The following PLD5 variants were observed in gnomAD, a reference collection of about 807,000 sequenced individuals.
PLD5 encodes the protein inactive phospholipase D5.
A neutral mutation model predicts 61.1 loss-of-function variants in PLD5; 36 were observed. That is an observed-to-expected ratio of 0.59 (90% CI 0.45 to 0.78). The LOEUF (loss-of-function observed/expected upper bound fraction) is 0.78, where lower values mean the gene tolerates loss of function less well. Ranked by LOEUF, PLD5 falls within the 30% of genes least tolerant of loss-of-function variation. The pLI is 0.00. For synonymous variants in PLD5, 243 were observed against 242.8 expected (o/e 1.00, Z -0.01); for missense variants, 515 against 644.4 (o/e 0.80, Z 2.17).
intron 4 of PLD5, among the ~76,000 whole-genome samples, chr1:242,255,930 G>A (rs316916): frequency 4.6e-5 from 7 of 152,142 alleles, no homozygotes; most frequent in African/African-American, 9.7e-5. Flanking sequence ...ATTTAGTCAC[G>A]AGTAAAGGCC....
At chr1:242,297,489 T>C (rs1172306531) in intron 2 of PLD5, among the ~76,000 whole-genome samples, 1 of 151,488 alleles carries the variant, frequency 6.6e-6, no homozygotes, top group African/African-American at 2.4e-5. Flanking sequence ...ACTGCAGCCT[T>C]GAACTCCTGG....
chr1:242,495,562 G>A lies in PLD5; in HGVS notation c.189+28526C>T, dbSNP rs143645828. ...TGAGATGTTATTTCTATTTTAGAAC[G>A]TCTTTACCATAATTTTCTTACAGAC... On this transcript the variant is annotated intron_variant, in intron 1 of 9. Coordinates refer to ENST00000536534, the MANE Select transcript of PLD5 (RefSeq NM_001372062.1). Among the ~76,000 whole-genome samples the A allele has an allele frequency of 2.4e-3, 366 of 152,104 alleles. 1 individual carries two copies. The highest frequency in any genetic ancestry group is 7.6e-3 in the African/African-American group (315 of 41,500).
At chr1:242,459,123 TG>T (rs769330581) in intron 1 of PLD5, among the ~76,000 whole-genome samples, 3 of 152,214 alleles carry the variant, frequency 2.0e-5, no homozygotes, top group Non-Finnish European at 4.4e-5. Context: ...GTTACATGGA[TG>T]GGAGATAGAA....
intron 1 of PLD5, among the ~76,000 whole-genome samples, chr1:242,502,113 C>T (rs1668573464): frequency 6.6e-6 from 1 of 152,152 alleles, no homozygotes; most frequent in Non-Finnish European, 1.5e-5. Flanking sequence ...ATGTCTGCAA[C>T]CCAACCCAGC....
intron 2 of PLD5, among the ~76,000 whole-genome samples, chr1:242,332,858 C>T (rs1244819268): frequency 3.3e-5 from 5 of 152,206 alleles, no homozygotes; most frequent in Non-Finnish European, 5.9e-5. Flanking sequence ...TAATACTTGA[C>T]GTTCACTCGT....
intron 5 of PLD5, among the ~76,000 whole-genome samples, chr1:242,171,518 C>G (rs1666746082): frequency 6.6e-6 from 1 of 152,078 alleles, no homozygotes; most frequent in Non-Finnish European, 1.5e-5. Context: ...ATCACAATGA[C>G]AGGATCAAAT....
intron 3 of PLD5, among the ~76,000 whole-genome samples, chr1:242,273,401 G>A (rs975600846): frequency 8.5e-5 from 13 of 152,060 alleles, no homozygotes; most frequent in Non-Finnish European, 1.8e-4. Context: ...ATAAAAAGAC[G>A]CTATTTTAAT....
intron 5 of PLD5, among the ~76,000 whole-genome samples, chr1:242,161,979 G>T (rs1665872330): frequency 6.6e-6 from 1 of 152,108 alleles, no homozygotes; most frequent in South Asian, 2.1e-4. Context: ...TCAGAGGTGG[G>T]GCAAACACTG....
chr1:242,390,835 G>A (rs536787553), intron 1 of PLD5, among the ~76,000 whole-genome samples: 3 of 152,174 alleles, frequency 2.0e-5, no homozygotes, highest in East Asian at 3.9e-4. Flanking sequence ...AATGACAGAA[G>A]GAACATGATT....
At chr1:242,095,237 T>A (rs1308311182) in intron 9 of PLD5, among the ~76,000 whole-genome samples, 1 of 151,108 alleles carries the variant, frequency 6.6e-6, no homozygotes, top group African/African-American at 2.4e-5. Context: ...GTCCGGCATA[T>A]TTATTTATTT....
At chr1:242,265,507 A>G in intron 3 of PLD5, 59 bp from the exon 4 acceptor site, 2 of 1,396,382 alleles carry the variant, frequency 1.4e-6, no homozygotes, top group Non-Finnish European at 2.0e-6. Context: ...ACCAATTTAG[A>G]CAGGTAAAAA....
At chr1:242,486,149 G>A (rs1205409968) in intron 1 of PLD5, among the ~76,000 whole-genome samples, 2 of 152,034 alleles carry the variant, frequency 1.3e-5, no homozygotes, top group Non-Finnish European at 2.9e-5. Flanking sequence ...CAGGACATAG[G>A]CATGGGCAAG....
intron 6 of PLD5, among the ~76,000 whole-genome samples, chr1:242,123,646 A>G (rs1662556545): frequency 6.6e-6 from 1 of 152,252 alleles, no homozygotes; most frequent in Non-Finnish European, 1.5e-5. Context: ...GAGAACGTGC[A>G]AACTCCACAC....
chr1:242,259,373 T>C (rs1327000020), intron 4 of PLD5, among the ~76,000 whole-genome samples: 2 of 151,980 alleles, frequency 1.3e-5, no homozygotes, highest in Non-Finnish European at 2.9e-5. Flanking sequence ...AGCTTGTAAA[T>C]TGACAAGGGA....
chr1:242,129,786 C>T lies in PLD5; in HGVS notation c.736-5121G>A, dbSNP rs567024044. 2.0e-5 allele frequency among the ~76,000 whole-genome samples: 3 copies of T among 152,176 alleles called. No homozygotes were observed. In the South Asian group the frequency reaches 6.2e-4, roughly 32 times the overall value. ...ACTCATTAATTTCTCATCCTTCATCCCGCTCCTATGCTCTCACCCTTCTGA... is the reference window on the plus strand; with the variant it reads ...ACTCATTAATTTCTCATCCTTCATCTCGCTCCTATGCTCTCACCCTTCTGA... On this transcript the variant is annotated intron_variant, in intron 5 of 9. Transcript: ENST00000536534.
intron 3 of PLD5, among the ~76,000 whole-genome samples, chr1:242,266,950 C>G (rs963465335): frequency 5.3e-5 from 8 of 151,954 alleles, no homozygotes; most frequent in Admixed American, 3.3e-4. Flanking sequence ...AACCCAGTCT[C>G]TACTAAAAAT....
chr1:242,097,271 A>G (rs111327037), intron 9 of PLD5, among the ~76,000 whole-genome samples: 6 of 152,204 alleles, frequency 3.9e-5, no homozygotes, highest in East Asian at 1.9e-4. Context: ...ACCCAGTAAT[A>G]GGATGGCTGG....
At chr1:242,426,230 C>T (rs1043485721) in intron 1 of PLD5, among the ~76,000 whole-genome samples, 5 of 150,884 alleles carry the variant, frequency 3.3e-5, no homozygotes, top group African/African-American at 9.8e-5. Flanking sequence ...AGCAATAACA[C>T]GCACAGAGCT....
rs139333912 is a variant in PLD5 at position 242,296,022 on chromosome 1, C to T, written c.327-7492G>A. Among the ~76,000 whole-genome samples the T allele has an allele frequency of 6.4e-3, 970 of 152,252 alleles. 9 individuals carry two copies. The highest frequency in any genetic ancestry group is 0.022 in the African/African-American group (910 of 41,548). ...CTCTGCCAGTTATGAGCTGTGTGACCTTCAACAGATTACTAACCTCTTTCA... is the reference window on the plus strand; with the variant it reads ...CTCTGCCAGTTATGAGCTGTGTGACTTTCAACAGATTACTAACCTCTTTCA... On this transcript the variant is annotated intron_variant, in intron 2 of 9. Transcript: ENST00000536534.
Sources: gnomAD v4.1 joint callset for allele counts (sites outside exome capture counted in the v4.1 genomes callset) on GRCh38, gnomAD v4.1.1 for gene constraint, MANE v1.5 for transcripts, NCBI Gene and HGNC (gene_info 2026-07-23, HGNC 2026-07-21) for gene names.